The following NAV3 variants were observed in gnomAD, a reference collection of about 807,000 sequenced individuals.
NAV3 encodes the protein pore membrane and/or filament interacting like protein 1.
Under a neutral mutation model 244.7 loss-of-function variants are expected in NAV3, and 87 were observed. The observed-to-expected ratio is 0.36, with a 90% CI of 0.30 to 0.42. NAV3 has a LOEUF of 0.42. Among genes scored for constraint, NAV3 ranks in the 20% least tolerant of loss-of-function variants. The probability of loss-of-function intolerance (pLI) is 1.00; values close to 1 mark genes in which losing one functional copy is unlikely to be tolerated. For missense variants in NAV3, 2,663 were observed against 2,893.3 expected, an observed-to-expected ratio of 0.92 and a Z score of 1.83; for synonymous variants, 1,126 against 1,042.2, an observed-to-expected ratio of 1.08 and a Z score of -1.55.
At chr12:77,637,848 G>A (rs918845073) in intron 2 of NAV3, among the ~76,000 whole-genome samples, 5 of 152,132 alleles carry the variant, frequency 3.3e-5, no homozygotes, top group Non-Finnish European at 5.9e-5. Flanking sequence ...TTCCAAAGAA[G>A]GTAATTACTT....
At chr12:77,924,660 A>C (rs1482257167) in intron 1 of NAV3, among the ~76,000 whole-genome samples, 1 of 152,216 alleles carries the variant, frequency 6.6e-6, no homozygotes, top group African/African-American at 2.4e-5. Context: ...ACAAAGAAGA[A>C]ATTCAAGATA....
chr12:77,579,826 C>T (rs1304370602), intron 2 of NAV3, among the ~76,000 whole-genome samples: 1 of 152,080 alleles, frequency 6.6e-6, no homozygotes, highest in Non-Finnish European at 1.5e-5. Context: ...ACAATAAGAC[C>T]ACTTGATTTT....
chr12:78,048,305 G>A (rs1882179020), intron 9 of NAV3, among the ~76,000 whole-genome samples: 1 of 152,064 alleles, frequency 6.6e-6, no homozygotes, highest in Admixed American at 6.5e-5. Flanking sequence ...TCTGGTTTTT[G>A]GAATTTTCAG....
At chr12:77,827,236 CAAAAAAAAAAAA>C (rs10615824), upstream of NAV3, among the ~76,000 whole-genome samples, 7 of 68,530 alleles carry the variant, frequency 1.0e-4, no homozygotes, top group Non-Finnish European at 1.4e-4. Flanking sequence ...ACTCTGTCTC[CAAAAAAAAAAAA>C]AAAAAAAAAA....
intron 2 of NAV3, among the ~76,000 whole-genome samples, chr12:77,752,238 G>A (rs749199272): frequency 5.9e-5 from 9 of 152,146 alleles, no homozygotes; most frequent in Non-Finnish European, 1.2e-4. Flanking sequence ...ACTTGGCACG[G>A]ATCCTGTCTT....
intron 2 of NAV3, among the ~76,000 whole-genome samples, chr12:77,711,934 T>C (rs982642533): frequency 6.6e-6 from 1 of 152,338 alleles, no homozygotes; most frequent in Admixed American, 6.5e-5. Flanking sequence ...TATAGCCCTC[T>C]ACTTCCAATG....
At chr12:77,747,765 C>A (rs1419411912) in intron 2 of NAV3, among the ~76,000 whole-genome samples, 1 of 152,076 alleles carries the variant, frequency 6.6e-6, no homozygotes, top group Non-Finnish European at 1.5e-5. Context: ...CCATCATTCT[C>A]AGCAAACTAT....
intron 35 of NAV3, among the ~76,000 whole-genome samples, 167 bp from the exon 36 acceptor site, chr12:78,198,438 T>C (rs1348585629): frequency 6.6e-6 from 1 of 151,928 alleles, no homozygotes; most frequent in Non-Finnish European, 1.5e-5. Flanking sequence ...AAGTATCAAT[T>C]TCTAGTCCAG....
chr12:78,003,202 C>A (rs1186322720), intron 7 of NAV3, among the ~76,000 whole-genome samples: 1 of 131,570 alleles, frequency 7.6e-6, no homozygotes, highest in Non-Finnish European at 1.7e-5. Flanking sequence ...CATGAGGATC[C>A]ACTTAATACC....
intron 2 of NAV3, among the ~76,000 whole-genome samples, chr12:77,696,232 T>C (rs79991915): frequency 6.6e-6 from 1 of 152,160 alleles, no homozygotes; most frequent in African/African-American, 2.4e-5. Context: ...TTATAACCAA[T>C]AGAATATGGC....
intron 2 of NAV3, among the ~76,000 whole-genome samples, chr12:77,664,811 AAAGAG>A (rs1207926485): frequency 2.6e-5 from 4 of 152,254 alleles, no homozygotes; most frequent in African/African-American, 9.6e-5. Context: ...AAAAAACAAA[AAAGAG>A]AAAACACTCT....
chr12:77,726,315 T>C lies in NAV3; in HGVS notation c.72+154049T>C, dbSNP rs1292713787. On this transcript the variant is annotated intron_variant, in intron 2 of 8. Coordinates refer to the NAV3 transcript ENST00000550042. ...CACAGAACACTACAAGGAAAGAATT[T>C]ACCATCATTTTCCTACCCATTCACC... Among the ~76,000 whole-genome samples the C allele has an allele frequency of 2.6e-5, 4 of 151,996 alleles. No homozygotes were observed. In the East Asian group the frequency reaches 7.7e-4, roughly 29 times the overall value.
At chr12:77,959,912 CAAAAAAAAAAAAAAAA>C (rs57550714) in intron 3 of NAV3, among the ~76,000 whole-genome samples, 1 of 64,686 alleles carries the variant, frequency 1.5e-5, no homozygotes, top group Non-Finnish European at 2.6e-5. Flanking sequence ...CCTGACCCGA[CAAAAAAAAAAAAAAAA>C]AAAAAAAAAA....
chr12:77,850,800 C>T (rs1196218342), intron 1 of NAV3, among the ~76,000 whole-genome samples: 1 of 152,048 alleles, frequency 6.6e-6, no homozygotes. Flanking sequence ...CTCTGGTTTT[C>T]TTGCTACTCT....
chr12:77,813,756 C>T (rs969240761), intron 2 of NAV3, among the ~76,000 whole-genome samples: 1 of 152,110 alleles, frequency 6.6e-6, no homozygotes, highest in Non-Finnish European at 1.5e-5. Context: ...CATTAGATTC[C>T]TTCATATGAC....
intron 2 of NAV3, among the ~76,000 whole-genome samples, chr12:77,638,921 T>C (rs748207372): frequency 1.3e-5 from 2 of 152,184 alleles, no homozygotes; most frequent in Non-Finnish European, 2.9e-5. Context: ...GGATGCAGTA[T>C]TTATTTGGAA....
chr12:78,055,610 T>C (rs922922024), intron 11 of NAV3, among the ~76,000 whole-genome samples: 35 of 152,308 alleles, frequency 2.3e-4, no homozygotes, highest in Middle Eastern at 6.8e-3. Context: ...TGGATGGTAA[T>C]TCTGTTGTTA....
At chr12:77,848,037 G>A (rs75138175) in intron 1 of NAV3, among the ~76,000 whole-genome samples, 2,706 of 152,240 alleles carry the variant, frequency 0.018, 59 homozygotes, top group African/African-American at 0.047. Flanking sequence ...CTTGGCAGAG[G>A]GTGCTTCCTG....
chr12:78,188,851 T>G (rs1468942501), intron 33 of NAV3, 74 bp downstream of exon 33: 3 of 1,436,062 alleles, frequency 2.1e-6, no homozygotes, highest in African/African-American at 1.4e-5. Flanking sequence ...CGCCCCTTTT[T>G]GGCCAGTTTC....
Sources: gnomAD v4.1 joint callset for allele counts (sites outside exome capture counted in the v4.1 genomes callset) on GRCh38, gnomAD v4.1.1 for gene constraint, MANE v1.5 for transcripts, NCBI Gene and HGNC (gene_info 2026-07-23, HGNC 2026-07-21) for gene names.